Variants in RHBDF1 observed in about 807,000 individuals in gnomAD.
The protein encoded by RHBDF1 is rhomboid 5 homolog 1.
Under a neutral mutation model 98.6 loss-of-function variants are expected in RHBDF1, and 80 were observed. The ratio of observed to expected loss-of-function variants is 0.81; its 90% CI spans 0.68 to 0.98. The LOEUF (loss-of-function observed/expected upper bound fraction) is 0.98. RHBDF1 is among the 50% of genes least tolerant of loss of function. The probability of loss-of-function intolerance (pLI) is 0.00; values close to 1 mark genes in which losing one functional copy is unlikely to be tolerated. For synonymous variants in RHBDF1, 512 were observed against 486.8 expected (o/e 1.05, Z -0.68); for missense variants, 1,116 against 1,198.3 (o/e 0.93, Z 1.01).
At chr16:66,499 G>A (rs1017283444) in intron 1 of RHBDF1, among the ~76,000 whole-genome samples, 2 of 152,142 alleles carry the variant, frequency 1.3e-5, no homozygotes, top group East Asian at 1.9e-4. Flanking sequence ...GGCTCCTTCC[G>A]ACCCTGTACT....
upstream of RHBDF1, among the ~76,000 whole-genome samples, chr16:75,244 G>A (rs1458944892): frequency 6.6e-6 from 1 of 152,192 alleles, no homozygotes; most frequent in Non-Finnish European, 1.5e-5. Context: ...CTGAGAATGG[G>A]TTAGGGTTAG....
intron 1 of RHBDF1, among the ~76,000 whole-genome samples, chr16:70,336 C>G (rs216614): frequency 6.6e-6 from 1 of 152,146 alleles, no homozygotes; most frequent in African/African-American, 2.4e-5. Context: ...CCCACATCCC[C>G]TGCACACGTC....
In RHBDF1 at chr16:66,949, G is replaced by C. The variant is rs7193562; in HGVS notation, c.-24-1910C>G. 3.6e-3 allele frequency among the ~76,000 whole-genome samples: 545 copies of C among 152,328 alleles called. 6 individuals carry two copies. Among genetic ancestry groups the C allele is most frequent in the African/African-American group, 0.012 (512 of 41,576 alleles). Reference sequence around the variant, plus strand: ...GGTCCCTCTGGGAACTGCACCAGGAGACCCCTCTGCATCTGACTCGTGACC... The same window carrying C: ...GGTCCCTCTGGGAACTGCACCAGGACACCCCTCTGCATCTGACTCGTGACC... On this transcript the variant is annotated intron_variant, in intron 1 of 17. Coordinates refer to ENST00000262316, the MANE Select transcript of RHBDF1 (RefSeq NM_022450.5).
intron 10 of RHBDF1, 46 bp from the exon 11 acceptor site, chr16:61,327 C>T (rs1897610263): frequency 6.5e-7 from 1 of 1,543,304 alleles, no homozygotes; most frequent in Non-Finnish European, 8.7e-7. Context: ...GCCTCCTGCC[C>T]CCGCCGGGCA....
intron 7 of RHBDF1, 90 bp from the exon 8 acceptor site, chr16:62,142 C>T: frequency 2.1e-6 from 3 of 1,420,178 alleles, no homozygotes; most frequent in Non-Finnish European, 1.8e-6. Context: ...TGTCTCTATC[C>T]TGGCGAATAT....
rs1326542110 is a variant in RHBDF1 at position 60,265 on chromosome 16, G to A, written c.1673C>T (p.Pro558Leu). 2.5e-6 allele frequency: 4 copies of A among 1,614,042 alleles called. No individual in the cohort carries two copies. In the East Asian group the frequency reaches 8.9e-5, roughly 36 times the overall value. ...CHQDPRVCDE[P>L]SSEDPHEWPE... ...CCACTCATGAGGGTCTTCGGAGGAGGGCTCATCACACACCCTGCATGAGCC... is the reference window on the plus strand; with the variant it reads ...CCACTCATGAGGGTCTTCGGAGGAGAGCTCATCACACACCCTGCATGAGCC... Residue 558 changes from proline (P) to leucine (L), a missense_variant, in exon 13 of 18, where the codon CCC becomes CTC. Pro to Leu is a moderately conservative substitution (Grantham distance 98). Coordinates refer to ENST00000262316, the MANE Select transcript of RHBDF1 (RefSeq NM_022450.5).
In RHBDF1 at chr16:61,188, T is replaced by C. The variant is rs768979451; in HGVS notation, c.1489A>G (p.Lys497Glu). 3.9e-6 allele frequency: 6 copies of C among 1,542,436 alleles called. No individual in the cohort carries two copies. Among genetic ancestry groups the C allele is most frequent in the Non-Finnish European group, 5.2e-6 (6 of 1,145,490 alleles). The change falls in exon 11 of 18, where the codon AAG becomes GAG. Residue 497 changes from lysine to glutamate, a missense_variant. Physicochemically the swap from Lys to Glu is moderately conservative, Grantham distance 56 (BLOSUM62 1). Coordinates refer to ENST00000262316, the MANE Select transcript of RHBDF1 (RefSeq NM_022450.5). ...TTGCGCACGCAGCAGGCGGAGTGCTTCTCGCGCTCGCGCGCCGAGCGAATG... is the reference window on the plus strand; with the variant it reads ...TTGCGCACGCAGCAGGCGGAGTGCTCCTCGCGCTCGCGCGCCGAGCGAATG... ...SFIRSARERE[K>E]HSACCVRNDR... is the part of the protein sequence containing the mutation.
intron 11 of RHBDF1, 122 bp downstream of exon 11, chr16:60,998 C>T (rs753632874): frequency 4.6e-6 from 5 of 1,091,672 alleles, no homozygotes; most frequent in East Asian, 2.7e-5. Context: ...CAAGGCCTTG[C>T]GCGTAAGGAC....
At chr16:62,216 C>A in intron 7 of RHBDF1, 164 bp from the exon 8 acceptor site, 2 of 1,012,552 alleles carry the variant, frequency 2.0e-6, no homozygotes, top group Non-Finnish European at 2.8e-6. Context: ...TGCGGGCCTC[C>A]GGGGATGGCA....
chr16:60,816 G>A, intron 11 of RHBDF1: 1 of 563,042 alleles, frequency 1.8e-6, no homozygotes, highest in Non-Finnish European at 3.1e-6. Flanking sequence ...ATGAAAGTTG[G>A]GATGAATTTT....
intron 11 of RHBDF1, 40 bp downstream of exon 11, chr16:61,080 C>G (rs771202963): frequency 2.6e-5 from 39 of 1,508,008 alleles, no homozygotes; most frequent in African/African-American, 2.8e-5. Context: ...GAGCGAACAC[C>G]GGGCAGACGA....
chr16:58,724 G>A lies in RHBDF1; in HGVS notation c.2184C>T (p.Ala728=). 6.2e-7 allele frequency: 1 copy of A among 1,612,820 alleles called. No homozygotes were observed. Among genetic ancestry groups the A allele is most frequent in the Non-Finnish European group, 8.5e-7 (1 of 1,179,816 alleles). Residue 728 remains alanine (A), a synonymous_variant, in exon 18 of 18, where the codon GCC becomes GCT. Transcript: ENST00000262316. ...TCTGGAAGAGCTCCACGAAGAGGCA[G>A]GCCAGGATGCCGAACTGGGAGCCAG... ...GPAGSQFGIL[A]CLFVELFQSW...
At position 62,914 on chromosome 16, in the gene RHBDF1, G is replaced by A. The variant is rs753374206; in HGVS notation, c.673-17C>T. ...GGAGCGGCCCTGGGGACGGGGAAGT[G>A]AGCATGAGACCCGGCTGCTGGGTCG... On this transcript the variant is annotated splice_polypyrimidine_tract_variant and intron_variant, in intron 5 of 17. Coordinates refer to ENST00000262316, the MANE Select transcript of RHBDF1 (RefSeq NM_022450.5). 6.2e-7 allele frequency: 1 copy of A among 1,613,412 alleles called. No individual in the cohort carries two copies. Among genetic ancestry groups the A allele is most frequent in the Non-Finnish European group, 8.5e-7 (1 of 1,179,884 alleles).
intron 1 of RHBDF1, among the ~76,000 whole-genome samples, chr16:68,137 T>G (rs1339258282): frequency 6.6e-6 from 1 of 152,142 alleles, no homozygotes; most frequent in Non-Finnish European, 1.5e-5. Flanking sequence ...CCGCCATGCC[T>G]CTACATCCAG....
Position 58,158 on chromosome 16 carries a change from T to C in RHBDF1, c.*182A>G. 1.7e-6 allele frequency: 1 copy of C among 598,022 alleles called. No homozygotes were observed. The highest frequency in any genetic ancestry group is 2.9e-6 in the Non-Finnish European group (1 of 344,094). 37.0% of individuals were successfully genotyped at this position (598,022 alleles called of 1,614,324 possible). ...AAGGTTATGACAGGAAGTAGTATAA[T>C]AAATGCCCGGCAGTACGAGGGGTTC... On this transcript the variant is annotated 3_prime_UTR_variant, in exon 18 of 18. Coordinates refer to ENST00000262316, the MANE Select transcript of RHBDF1 (RefSeq NM_022450.5).
At position 63,065 on chromosome 16, in the gene RHBDF1, T is replaced by G; in HGVS notation, c.580A>C (p.Ser194Arg). The G allele has an allele frequency of 6.8e-6, 11 of 1,612,660 alleles. No homozygotes were observed. Among genetic ancestry groups the G allele is most frequent in the Non-Finnish European group, 8.5e-6 (10 of 1,179,724 alleles). ...PGAASLCSFS[S>R]SRSGFHRLPR... ...AGCCGGTGGAAACCTGAGCGGGAGC[T>G]GGAGAAGGAGCAGAGGGAGGCAGCA... The change falls in exon 5 of 18, where the codon AGC becomes CGC. Residue 194 changes from serine (S) to arginine (R), a missense_variant. By Grantham distance (110) the Ser-to-Arg change is moderately radical (BLOSUM62 -1). Coordinates refer to ENST00000262316, the MANE Select transcript of RHBDF1 (RefSeq NM_022450.5).
upstream of RHBDF1, among the ~76,000 whole-genome samples, chr16:75,892 G>C (rs773289450): frequency 3.7e-4 from 57 of 152,308 alleles, no homozygotes; most frequent in Middle Eastern, 6.8e-3. Context: ...CCATCAGAGA[G>C]AAGACGGAGC....
In RHBDF1 at chr16:63,016, G is replaced by C; in HGVS notation, c.629C>G (p.Ser210Trp). 6.2e-7 allele frequency: 1 copy of C among 1,612,188 alleles called. No individual in the cohort carries two copies. The highest frequency in any genetic ancestry group is 1.1e-5 in the South Asian group (1 of 91,012). Reference sequence around the variant, plus strand: ...CGCCCGGAAGCTCATCTTGGCCACCGACTCTCGCTTGCGCCGCCGCGGGAG... The same window carrying C: ...CGCCCGGAAGCTCATCTTGGCCACCCACTCTCGCTTGCGCCGCCGCGGGAG... ...HRLPRRRKRE[S>W]VAKMSFRAAA... is the part of the protein sequence containing the mutation. Residue 210 changes from serine to tryptophan, a missense_variant, in exon 5 of 18, where the codon TCG (serine) becomes TGG (tryptophan). Ser to Trp is a radical substitution (Grantham distance 177). Transcript: ENST00000262316.
chr16:67,384 G>C (rs1897857620), intron 1 of RHBDF1, among the ~76,000 whole-genome samples: 1 of 152,194 alleles, frequency 6.6e-6, no homozygotes, highest in South Asian at 2.1e-4. Flanking sequence ...CAGGGGGCCA[G>C]CCTCTCCAGG....
Sources: allele counts gnomAD v4.1 joint callset (sites outside exome capture counted in the v4.1 genomes callset), GRCh38; gene constraint gnomAD v4.1.1; transcripts MANE v1.5; gene names NCBI Gene and HGNC (gene_info 2026-07-23, HGNC 2026-07-21).